PRKCH: variants seen among roughly 807,000 people sequenced by gnomAD.
The protein encoded by PRKCH is protein kinase C eta type.
Under a neutral mutation model 82.5 loss-of-function variants are expected in PRKCH, and 28 were observed. The ratio of observed to expected loss-of-function variants is 0.34; its 90% CI spans 0.25 to 0.47. The LOEUF is 0.47. PRKCH is among the 20% of genes least tolerant of loss of function. PRKCH has a pLI of 1.00. For missense variants in PRKCH, 705 were observed against 881.8 expected (o/e 0.80, Z 2.54); for synonymous variants, 322 against 327.4 (o/e 0.98, Z 0.18).
chr14:61,316,877 G>A (rs968956289), upstream of PRKCH, among the ~76,000 whole-genome samples: 3 of 152,142 alleles, frequency 2.0e-5, no homozygotes, highest in Non-Finnish European at 4.4e-5. Context: ...CTGTATTTAG[G>A]GAGCCAGTTG....
chr14:61,471,668 A>C (rs954148960), intron 9 of PRKCH, among the ~76,000 whole-genome samples: 4 of 151,424 alleles, frequency 2.6e-5, no homozygotes, highest in African/African-American at 9.8e-5. Flanking sequence ...CATCCTTTAC[A>C]ATTAAAAAAA....
chr14:61,226,273 A>C (rs2044695817), intron 1 of PRKCH, among the ~76,000 whole-genome samples: 1 of 152,224 alleles, frequency 6.6e-6, no homozygotes, highest in African/African-American at 2.4e-5. Flanking sequence ...AAGTGTCAGC[A>C]CTACCTTCAT....
chr14:61,432,884 C>CT (rs76764648), intron 2 of PRKCH, among the ~76,000 whole-genome samples: 209 of 139,034 alleles, frequency 1.5e-3, no homozygotes, highest in Middle Eastern at 3.6e-3. Context: ...TTACCTTTTT[C>CT]TTTTTTTTTT....
At chr14:61,350,251 T>C (rs906613252) in intron 1 of PRKCH, among the ~76,000 whole-genome samples, 1 of 152,240 alleles carries the variant, frequency 6.6e-6, no homozygotes, top group Non-Finnish European at 1.5e-5. Flanking sequence ...TTAAGATTTG[T>C]TCTAAATACT....
chr14:61,437,826 A>G (rs918817847), intron 2 of PRKCH, among the ~76,000 whole-genome samples: 3 of 151,936 alleles, frequency 2.0e-5, no homozygotes, highest in Non-Finnish European at 2.9e-5. Flanking sequence ...ACCAGGTGCA[A>G]TGGCTCACAC....
At chr14:61,475,567 TA>T (rs1354051867) in intron 9 of PRKCH, among the ~76,000 whole-genome samples, 4 of 152,242 alleles carry the variant, frequency 2.6e-5, no homozygotes, top group Non-Finnish European at 2.9e-5. Context: ...ATAGAGACTA[TA>T]AAAGCTGTGT....
At chr14:61,460,217 T>C (rs1034309149) in intron 9 of PRKCH, among the ~76,000 whole-genome samples, 1 of 152,224 alleles carries the variant, frequency 6.6e-6, no homozygotes, top group African/African-American at 2.4e-5. Flanking sequence ...TATACCAAGC[T>C]GCCTCATTTT....
At position 61,188,574 on chromosome 14, in the gene PRKCH, A is replaced by AGTGTGTGTGTGT. The variant is rs376746171; in HGVS notation, c.-19+909_-19+920dup. On this transcript the variant is annotated intron_variant, in intron 1 of 3. Transcript: ENST00000555185. ...CCTCCTCACCCCCAGACGTTGCTGT[A>AGTGTGTGTGTGT]GTGTGTGTGTGTGTCGGGGGGGTGG... 6.6e-4 allele frequency among the ~76,000 whole-genome samples: 37 copies of AGTGTGTGTGTGT among 55,950 alleles called. 2 individuals carry two copies. The highest frequency in any genetic ancestry group is 1.1e-3 in the Non-Finnish European group (32 of 28,994). The allele number at this position is 55,950 out of a possible 152,430, so 36.7% of individuals were successfully genotyped here. A position where few individuals can be genotyped will look rare whatever the true frequency, so the allele number is the denominator to read the frequency against.
chr14:61,458,690 G>C (rs1031433075), intron 9 of PRKCH, among the ~76,000 whole-genome samples: 1 of 152,198 alleles, frequency 6.6e-6, no homozygotes, highest in Non-Finnish European at 1.5e-5. Flanking sequence ...GGCTGGGGAG[G>C]CCTCAAGAAA....
At chr14:61,521,038 A>G (rs950354382) in intron 10 of PRKCH, among the ~76,000 whole-genome samples, 3 of 152,238 alleles carry the variant, frequency 2.0e-5, no homozygotes, top group African/African-American at 7.2e-5. Context: ...ATTGTATGCA[A>G]CCATTATAGA....
At chr14:61,205,465 A>G (rs2044515458) in intron 1 of PRKCH, among the ~76,000 whole-genome samples, 1 of 152,154 alleles carries the variant, frequency 6.6e-6, no homozygotes, top group African/African-American at 2.4e-5. Context: ...AAGCCCCATT[A>G]CCACTCCTGG....
chr14:61,464,317 A>G (rs1030024640), intron 9 of PRKCH, among the ~76,000 whole-genome samples: 3 of 150,540 alleles, frequency 2.0e-5, no homozygotes, highest in Admixed American at 1.3e-4. Flanking sequence ...CCCAATGATT[A>G]GTGATATTGA....
chr14:61,507,826 G>T (rs189995405), intron 10 of PRKCH, among the ~76,000 whole-genome samples: 1 of 152,150 alleles, frequency 6.6e-6, no homozygotes, highest in East Asian at 1.9e-4. Flanking sequence ...AGTTATGCAG[G>T]ATAAACAAGC....
At chr14:61,225,958 A>G (rs992965324) in intron 1 of PRKCH, among the ~76,000 whole-genome samples, 5 of 152,170 alleles carry the variant, frequency 3.3e-5, no homozygotes, top group Non-Finnish European at 7.3e-5. Context: ...CAGGCTGGGA[A>G]GACATAAATA....
At chr14:61,542,838 G>C (rs2043205436) in intron 12 of PRKCH, among the ~76,000 whole-genome samples, 1 of 152,226 alleles carries the variant, frequency 6.6e-6, no homozygotes, top group Non-Finnish European at 1.5e-5. Flanking sequence ...GGTGGGAACA[G>C]AGTGTTTAGG....
chr14:61,398,028 G>A (rs1204706772), intron 2 of PRKCH, among the ~76,000 whole-genome samples: 1 of 152,186 alleles, frequency 6.6e-6, no homozygotes, highest in Non-Finnish European at 1.5e-5. Flanking sequence ...TCTTGTTAAA[G>A]GTGTCACTCT....
intron 7 of PRKCH, among the ~76,000 whole-genome samples, chr14:61,455,546 T>C (rs150738011): frequency 6.6e-6 from 1 of 152,234 alleles, no homozygotes; most frequent in African/African-American, 2.4e-5. Flanking sequence ...AGGATGCCAA[T>C]ATTGTGCGGG....
chr14:61,264,122 C>A (rs886375899), intron 1 of PRKCH, among the ~76,000 whole-genome samples: 7 of 152,062 alleles, frequency 4.6e-5, no homozygotes, highest in Non-Finnish European at 1.5e-5. Flanking sequence ...TTCCTCGGGT[C>A]CATAAAGCCA....
intron 10 of PRKCH, among the ~76,000 whole-genome samples, chr14:61,500,262 G>A (rs10136214): frequency 0.038 from 5,783 of 151,434 alleles, 371 homozygotes; most frequent in African/African-American, 0.13. Flanking sequence ...GGAGTGCAGC[G>A]GTGCAGCTCA....
Sources: gnomAD v4.1 joint callset for allele counts (sites outside exome capture counted in the v4.1 genomes callset) on GRCh38, gnomAD v4.1.1 for gene constraint, MANE v1.5 for transcripts, NCBI Gene and HGNC (gene_info 2026-07-23, HGNC 2026-07-21) for gene names.